BFSP1: variants seen among roughly 807,000 people sequenced by gnomAD.
The protein encoded by BFSP1 is filensin.
Under a neutral mutation model 43.9 loss-of-function variants are expected in BFSP1, and 38 were observed. The observed-to-expected ratio is 0.87, with a 90% CI of 0.67 to 1.14. The LOEUF is 1.14. Among genes scored for constraint, BFSP1 ranks in the 50% most tolerant of loss-of-function variants. The pLI is 0.00. For synonymous variants in BFSP1, 352 were observed against 354.8 expected (o/e 0.99, Z 0.09); for missense variants, 850 against 875.1 (o/e 0.97, Z 0.36).
intron 2 of BFSP1, 108 bp downstream of exon 2, chr20:17,524,740 A>C (rs768134497): frequency 3.1e-5 from 37 of 1,209,742 alleles, no homozygotes; most frequent in Non-Finnish European, 4.3e-5. Flanking sequence ...CAAAAGAAGT[A>C]GTGACCGCCA....
chr20:17,527,968 G>A (rs1350071947), intron 1 of BFSP1, among the ~76,000 whole-genome samples: 3 of 152,092 alleles, frequency 2.0e-5, no homozygotes, highest in African/African-American at 7.2e-5. Flanking sequence ...TCTTTGACCT[G>A]TTAAAGACCT....
intron 1 of BFSP1, among the ~76,000 whole-genome samples, chr20:17,549,578 G>A (rs940996342): frequency 1.3e-5 from 2 of 152,214 alleles, no homozygotes; most frequent in African/African-American, 2.4e-5. Flanking sequence ...GCTCATGCCT[G>A]TAATCCCAGC....
At position 17,517,890 on chromosome 20, in the gene BFSP1, C is replaced by T. The variant is rs561472800; in HGVS notation, c.439-3074G>A. 4.6e-5 allele frequency among the ~76,000 whole-genome samples: 7 copies of T among 152,298 alleles called. No homozygotes were observed. In the East Asian group the frequency reaches 7.7e-4, roughly 17 times the overall value. On this transcript the variant is annotated intron_variant, in intron 2 of 7. Transcript: ENST00000377873. ...GCTCTATGGGAGCAATTTTCGGCAA[C>T]GGAACATCTTGTTCCTCCTCAGTGC...
In BFSP1 at chr20:17,499,802, TC is replaced by T. The variant is rs1210221490; in HGVS notation, c.736-763del. On this transcript the variant is annotated intron_variant, in intron 5 of 7. Coordinates refer to ENST00000377873, the MANE Select transcript of BFSP1 (RefSeq NM_001195.5). The stretch of plus-strand genomic sequence containing the variant: ...CTGGGAGTGGTGGCACACGCCATAA[TC>T]CCAGATACTTGGGAGGCTGAGGCAG... Among the ~76,000 whole-genome samples the T allele has an allele frequency of 2.6e-5, 4 of 151,982 alleles. No homozygotes were observed. In the East Asian group the frequency reaches 5.8e-4, roughly 22 times the overall value.
chr20:17,547,569 A>G (rs149969298), intron 1 of BFSP1, among the ~76,000 whole-genome samples: 3,748 of 152,294 alleles, frequency 0.025, 66 homozygotes, highest in Non-Finnish European at 0.037. Flanking sequence ...AATAGCACCC[A>G]ATGATAATTA....
chr20:17,509,124 C>T (rs2034014758), intron 4 of BFSP1, 128 bp from the exon 5 acceptor site: 1 of 622,582 alleles, frequency 1.6e-6, no homozygotes. Flanking sequence ...CCCTAACTAA[C>T]TCCCAAGATG....
chr20:17,559,308 T>C (rs2035045091), upstream of BFSP1, among the ~76,000 whole-genome samples: 2 of 152,040 alleles, frequency 1.3e-5, no homozygotes, highest in Middle Eastern at 6.3e-3. Flanking sequence ...AGGCCTAGAG[T>C]TTATAAATCA....
At chr20:17,503,426 T>A (rs2033852485) in intron 5 of BFSP1, among the ~76,000 whole-genome samples, 1 of 152,170 alleles carries the variant, frequency 6.6e-6, no homozygotes, top group South Asian at 2.1e-4. Context: ...ACCCAAGAGC[T>A]CTGGGGTGGC....
At chr20:17,538,710 C>T (rs1377077973) in intron 1 of BFSP1, among the ~76,000 whole-genome samples, 1 of 152,220 alleles carries the variant, frequency 6.6e-6, no homozygotes, top group Non-Finnish European at 1.5e-5. Context: ...GCATGAAAAG[C>T]AGCCCTTCCC....
intron 1 of BFSP1, among the ~76,000 whole-genome samples, chr20:17,544,489 A>G (rs1487549156): frequency 6.6e-6 from 1 of 152,184 alleles, no homozygotes; most frequent in Non-Finnish European, 1.5e-5. Context: ...TAGCTGAAGT[A>G]CCTCTACATA....
At chr20:17,567,858 T>C (rs2035138375) in intron 1 of BFSP1, among the ~76,000 whole-genome samples, 1 of 135,832 alleles carries the variant, frequency 7.4e-6, no homozygotes, top group African/African-American at 2.8e-5. Context: ...TGAAACTCAG[T>C]CTCAAAAAAA....
intron 1 of BFSP1, among the ~76,000 whole-genome samples, chr20:17,542,326 A>G (rs1461324650): frequency 6.6e-6 from 1 of 151,700 alleles, no homozygotes; most frequent in East Asian, 1.9e-4. Flanking sequence ...ATTGTGGCTC[A>G]TGCCTGTAAT....
chr20:17,558,267 A>G (rs1340676811), intron 1 of BFSP1, among the ~76,000 whole-genome samples: 1 of 152,158 alleles, frequency 6.6e-6, no homozygotes, highest in Non-Finnish European at 1.5e-5. Context: ...TGAATAAAGT[A>G]TAGCACCCAA....
chr20:17,564,370 A>G (rs1402236953), intron 1 of BFSP1, among the ~76,000 whole-genome samples: 1 of 152,078 alleles, frequency 6.6e-6, no homozygotes, highest in Non-Finnish European at 1.5e-5. Flanking sequence ...GGCTAAAAAA[A>G]AAAAAAAAAA....
upstream of BFSP1, among the ~76,000 whole-genome samples, chr20:17,563,768 C>T (rs552244023): frequency 2.6e-5 from 4 of 151,692 alleles, no homozygotes; most frequent in South Asian, 8.3e-4. Flanking sequence ...CACCTGTGGT[C>T]CTAGCTACTT....
chr20:17,556,599 C>CA (rs2034994376), intron 1 of BFSP1, among the ~76,000 whole-genome samples: 1 of 152,006 alleles, frequency 6.6e-6, no homozygotes, highest in South Asian at 2.1e-4. Flanking sequence ...TGTAAATAAG[C>CA]AAAACCTGGA....
At chr20:17,539,287 TG>T (rs1388678730) in intron 1 of BFSP1, among the ~76,000 whole-genome samples, 3 of 151,834 alleles carry the variant, frequency 2.0e-5, no homozygotes, top group Non-Finnish European at 2.9e-5. Flanking sequence ...ATTTTTAAAC[TG>T]TTTCATACAC....
intron 2 of BFSP1, among the ~76,000 whole-genome samples, chr20:17,515,506 C>T (rs1034682669): frequency 1.4e-4 from 22 of 152,162 alleles, no homozygotes; most frequent in African/African-American, 5.3e-4. Context: ...TTGTTTGTTC[C>T]TCTAAGGTTG....
chr20:17,501,426 G>A (rs1001967647), intron 5 of BFSP1, among the ~76,000 whole-genome samples: 6 of 152,038 alleles, frequency 3.9e-5, no homozygotes, highest in South Asian at 2.1e-4. Context: ...TTAGCTGGGC[G>A]TGGTGGCTGG....
Sources: allele counts gnomAD v4.1 joint callset (sites outside exome capture counted in the v4.1 genomes callset), GRCh38; gene constraint gnomAD v4.1.1; transcripts MANE v1.5; gene names NCBI Gene and HGNC (gene_info 2026-07-23, HGNC 2026-07-21).